CATSPERG: variants seen among roughly 807,000 people sequenced by gnomAD.
The protein encoded by CATSPERG is catsper channel auxiliary subunit gamma, also known as cation channel sperm-associated auxiliary subunit gamma.
Under a neutral mutation model 145.0 loss-of-function variants are expected in CATSPERG, and 115 were observed. That is an observed-to-expected ratio of 0.79 (90% CI 0.68 to 0.93). The LOEUF (loss-of-function observed/expected upper bound fraction) is 0.93, where lower values mean the gene tolerates loss of function less well. Among genes scored for constraint, CATSPERG ranks in the 40% least tolerant of loss-of-function variants. CATSPERG has a pLI of 0.00. For synonymous variants in CATSPERG, 588 were observed against 589.0 expected, an observed-to-expected ratio of 1.00 and a Z score of 0.02; for missense variants, 1,296 against 1,490.1, an observed-to-expected ratio of 0.87 and a Z score of 2.14.
intron 26 of CATSPERG, 151 bp downstream of exon 26, chr19:38,368,288 A>G (rs1663626583): frequency 1.5e-6 from 1 of 683,522 alleles, no homozygotes; most frequent in Non-Finnish European, 2.6e-6. Flanking sequence ...GCACAAGCTG[A>G]AGTCTCTGCC....
Position 38,367,153 on chromosome 19 carries a change from G to T in CATSPERG, c.2614-3G>T, listed in dbSNP as rs754891487. The T allele has an allele frequency of 1.2e-6, 2 of 1,609,882 alleles. No individual in the cohort carries two copies. Among genetic ancestry groups the T allele is most frequent in the Non-Finnish European group, 1.7e-6 (2 of 1,178,644 alleles). On this transcript the variant is annotated splice_polypyrimidine_tract_variant and splice_region_variant and intron_variant, in intron 22 of 28. Transcript: ENST00000409235. ...CCTGTGAGCCTTTTTTCCTCCCACC[G>T]AGGGCAACCTGATGGTGCCAGTGTT...
rs1312310437 is a variant in CATSPERG, at chr19:38,365,081, C to G, written c.2577C>G (p.Leu859=). The G allele has an allele frequency of 2.5e-6, 4 of 1,613,824 alleles. No individual in the cohort carries two copies. In the South Asian group the frequency reaches 3.3e-5, roughly 13 times the overall value. Residue 859 remains leucine (L), a synonymous_variant, in exon 22 of 29, where the codon CTC becomes CTG. Transcript: ENST00000409235. ...CACAGGTGGTGGGTTCATCCGGGCTCTGCTTCCAGGAAACACACCTGGGGC... is the reference window on the plus strand; with the variant it reads ...CACAGGTGGTGGGTTCATCCGGGCTGTGCTTCCAGGAAACACACCTGGGGC... The part of the protein sequence containing the change: ...MTVNVVGSSG[L]CFQETHLGPH...
rs1969982595 is a variant in CATSPERG at position 38,343,983 on chromosome 19, C to T, written c.470-10C>T. ...CCCCAGCAGTTTCAGTGCCCAGGGC[C>T]TCCCTGCAGAGCCATGCATGGCAGA... On this transcript the variant is annotated splice_polypyrimidine_tract_variant and intron_variant, in intron 4 of 28. Transcript: ENST00000409235. 6.5e-7 allele frequency: 1 copy of T among 1,549,464 alleles called. No homozygotes were observed. The highest frequency in any genetic ancestry group is 8.7e-7 in the Non-Finnish European group (1 of 1,146,736).
At chr19:38,336,454 G>A (rs1969838011) in intron 1 of CATSPERG, 1 of 322,376 alleles carries the variant, frequency 3.1e-6, no homozygotes, top group South Asian at 2.3e-5. Context: ...GGCGCGGTCA[G>A]GAGCGGAAGC....
chr19:38,344,156 G>A lies in CATSPERG; in HGVS notation c.596+37G>A, dbSNP rs780115249. On this transcript the variant is annotated intron_variant, in intron 5 of 28. Coordinates refer to ENST00000409235, the MANE Select transcript of CATSPERG (RefSeq NM_021185.5). ...CAAGACGGGGGCTGGGGTGGACTCC[G>A]GGGGAATTCCTCACCCCAGGGTCCC... The A allele has an allele frequency of 1.0e-4, 156 of 1,550,656 alleles. No homozygotes were observed. The South Asian group carries it at 1.5e-3, about 14-fold the overall frequency.
intron 20 of CATSPERG, among the ~76,000 whole-genome samples, chr19:38,364,120 G>T (rs966348025): frequency 7.2e-5 from 11 of 151,792 alleles, no homozygotes; most frequent in African/African-American, 7.3e-5. Flanking sequence ...CCTCCCGGAC[G>T]GGGCGGCTGG....
intron 9 of CATSPERG, among the ~76,000 whole-genome samples, chr19:38,356,253 C>G (rs529056679): frequency 1.3e-5 from 2 of 152,098 alleles, no homozygotes; most frequent in Non-Finnish European, 2.9e-5. Flanking sequence ...AAACTCTGAT[C>G]GGCCCACCGT....
chr19:38,336,063 A>G (rs911418840), intron 1 of CATSPERG, 188 bp downstream of exon 1: 3 of 380,562 alleles, frequency 7.9e-6, no homozygotes, highest in Non-Finnish European at 1.6e-5. Flanking sequence ...CAGAGGAGGG[A>G]AAGGGGGAGC....
intron 7 of CATSPERG, among the ~76,000 whole-genome samples, chr19:38,351,775 G>T (rs1340005972): frequency 6.6e-6 from 1 of 152,100 alleles, no homozygotes; most frequent in African/African-American, 2.4e-5. Context: ...AGCTAGGCAT[G>T]GTGGTGAGCA....
intron 7 of CATSPERG, among the ~76,000 whole-genome samples, chr19:38,347,000 C>A (rs1454495565): frequency 6.6e-6 from 1 of 152,154 alleles, no homozygotes; most frequent in African/African-American, 2.4e-5. Context: ...CGCTTGAGAG[C>A]AGGAGTTTGA....
chr19:38,354,382 G>A (rs1260111395), intron 8 of CATSPERG, among the ~76,000 whole-genome samples: 1 of 152,184 alleles, frequency 6.6e-6, no homozygotes, highest in Non-Finnish European at 1.5e-5. Context: ...ATGCCCCTCA[G>A]TAGCCCCAGA....
chr19:38,361,559 A>T, intron 16 of CATSPERG, 89 bp from the exon 17 acceptor site: 1 of 1,037,746 alleles, frequency 9.6e-7, no homozygotes. Flanking sequence ...CGATACGGGA[A>T]GTGGGTGGGG....
intron 20 of CATSPERG, among the ~76,000 whole-genome samples, chr19:38,364,104 C>CA (rs1970403744): frequency 6.6e-6 from 1 of 151,486 alleles, no homozygotes; most frequent in African/African-American, 2.4e-5. Flanking sequence ...CTGACCCCCC[C>CA]ACCTCCCTCC....
chr19:38,362,824 CT>C lies in CATSPERG; in HGVS notation c.2468del (p.Leu823HisfsTer27). 1.3e-6 allele frequency: 2 copies of C among 1,594,224 alleles called. No individual in the cohort carries two copies. Among genetic ancestry groups the C allele is most frequent in the South Asian group, 2.2e-5 (2 of 90,656 alleles). On this transcript the variant is annotated frameshift_variant, in exon 20 of 29. Transcript: ENST00000409235. LOFTEE classifies it high-confidence loss of function. ...QEVLINRNSV[L>X]FSITLKDKKL... The stretch of plus-strand genomic sequence containing the variant: ...GGTCCTGATTAATCGCAACTCGGTG[CT>C]ATTTTCGGTGAGGCCCCCCGGGGAG...
intron 9 of CATSPERG, among the ~76,000 whole-genome samples, chr19:38,355,229 C>T (rs2286473): frequency 0.13 from 19,902 of 151,846 alleles, 1,606 homozygotes; most frequent in South Asian, 0.19. Flanking sequence ...CCTGTAATCC[C>T]AGCTATTCAG....
In CATSPERG at chr19:38,361,870, C is replaced by CCGG; in HGVS notation, c.2094+16_2094+18dup. The CCGG allele has an allele frequency of 6.3e-7, 1 of 1,597,104 alleles. No individual in the cohort carries two copies. Among genetic ancestry groups the CCGG allele is most frequent in the Non-Finnish European group, 8.5e-7 (1 of 1,171,756 alleles). On this transcript the variant is annotated intron_variant, in intron 17 of 28. Transcript: ENST00000409235. ...ACTCCGTGTACGACAAGGTGGGCGT[C>CCGG]CGGCGGCGGGCGGGCAGGCCTGAGA... is the stretch of plus-strand genomic sequence containing the variant.
At chr19:38,349,987 T>C (rs73043027) in intron 7 of CATSPERG, among the ~76,000 whole-genome samples, 6,560 of 152,234 alleles carry the variant, frequency 0.043, 188 homozygotes, top group African/African-American at 0.07. Flanking sequence ...CGTAACAGTC[T>C]GGAGATGAGG....
intron 8 of CATSPERG, among the ~76,000 whole-genome samples, chr19:38,353,074 C>T (rs1970176006): frequency 6.8e-6 from 1 of 146,784 alleles, no homozygotes; most frequent in East Asian, 2.1e-4. Flanking sequence ...TGGCTCATGC[C>T]TGTAATCCTA....
In CATSPERG at chr19:38,359,654, T is replaced by C. The variant is rs1970310124; in HGVS notation, c.1608+73T>C. On this transcript the variant is annotated intron_variant, in intron 14 of 28. Transcript: ENST00000409235. ...ACCCCAGGGGCCCCTCTTTCCCCCG[T>C]CACAGTAAAGGAGCCAAGGGAAGGG... The C allele has an allele frequency of 1.1e-5, 16 of 1,521,370 alleles. No individual in the cohort carries two copies. The South Asian group carries it at 1.9e-4, about 18-fold the overall frequency. The allele number at this position is 1,521,370 out of a possible 1,614,324, so 94.2% of individuals were successfully genotyped here. A position where few individuals can be genotyped will look rare whatever the true frequency, so the allele number is the denominator to read the frequency against.
Sources: gnomAD v4.1 joint callset for allele counts (sites outside exome capture counted in the v4.1 genomes callset) on GRCh38, gnomAD v4.1.1 for gene constraint, MANE v1.5 for transcripts, NCBI Gene and HGNC (gene_info 2026-07-23, HGNC 2026-07-21) for gene names.